The following DOCK6 variants were observed in gnomAD, a reference collection of about 807,000 sequenced individuals.
DOCK6 encodes dedicator of cytokinesis 6, also known as dedicator of cytokinesis protein 6.
Under a neutral mutation model 230.3 loss-of-function variants are expected in DOCK6, and 167 were observed. The ratio of observed to expected loss-of-function variants is 0.73; its 90% CI spans 0.64 to 0.82. DOCK6 has a LOEUF of 0.82. Among genes scored for constraint, DOCK6 ranks in the 40% least tolerant of loss-of-function variants. DOCK6 has a pLI of 0.00. For synonymous variants in DOCK6, 1,148 were observed against 1,185.0 expected, an observed-to-expected ratio of 0.97 and a Z score of 0.64; for missense variants, 2,598 against 2,825.8, an observed-to-expected ratio of 0.92 and a Z score of 1.83.
chr19:11,214,455 G>A (rs1180920750), intron 33 of DOCK6, 46 bp from the exon 34 acceptor site: 10 of 1,613,588 alleles, frequency 6.2e-6, no homozygotes, highest in South Asian at 3.3e-5. Flanking sequence ...GCCTAGGGTG[G>A]TTATGGGGAA....
chr19:11,248,079 A>G lies in DOCK6; in HGVS notation c.793T>C (p.Cys265Arg), dbSNP rs1405107375. The change falls in exon 7 of 48, where the codon TGT (cysteine) becomes CGT (arginine). Residue 265 changes from cysteine to arginine, a missense_variant. By Grantham distance (180) the Cys-to-Arg change is radical (BLOSUM62 -3). Coordinates refer to ENST00000294618, the MANE Select transcript of DOCK6 (RefSeq NM_020812.4). ...CAGTATACTCACTTGAGCGACAGAC[A>G]CTTGACCAAGATCCTTTGTCCAAAG... ...EHFGQRILVKCLSLKFEIEIE... is the reference protein window; with the variant it reads ...EHFGQRILVKRLSLKFEIEIE... 2.5e-6 allele frequency: 4 copies of G among 1,612,262 alleles called. No homozygotes were observed. In the African/African-American group the frequency reaches 4.0e-5, roughly 16 times the overall value.
In DOCK6 at chr19:11,200,743, C is replaced by A. The variant is rs761608003; in HGVS notation, c.5912G>T (p.Arg1971Leu). 6.2e-7 allele frequency: 1 copy of A among 1,613,476 alleles called. No homozygotes were observed. The highest frequency in any genetic ancestry group is 8.5e-7 in the Non-Finnish European group (1 of 1,179,702). Residue 1971 changes from arginine (R) to leucine (L), a missense_variant, in exon 46 of 48, where the codon CGG becomes CTG. Physicochemically the swap from Arg to Leu is moderately radical, Grantham distance 102. Transcript: ENST00000294618. The surrounding 1 kb of genome is among the most constrained non-coding windows in gnomAD (Gnocchi z 4.3). ...CTTGCAGAAGTCCTTGAAGCAGAGCCGCAATTTGTTGTGATGCCGGAAGAG... is the reference window on the plus strand; with the variant it reads ...CTTGCAGAAGTCCTTGAAGCAGAGCAGCAATTTGTTGTGATGCCGGAAGAG... ...PKLFRHHNKL[R>L]LCFKDFCKKC...
intron 9 of DOCK6, among the ~76,000 whole-genome samples, chr19:11,244,890 G>A (rs1171014783): frequency 6.6e-6 from 1 of 152,192 alleles, no homozygotes; most frequent in Admixed American, 6.5e-5. Flanking sequence ...CACTGTGCCT[G>A]GCCTTCCCTA....
At chr19:11,257,038 A>T (rs904746013) in intron 1 of DOCK6, among the ~76,000 whole-genome samples, 4 of 150,024 alleles carry the variant, frequency 2.7e-5, no homozygotes, top group Admixed American at 6.7e-5. Context: ...CCAGGCTGGA[A>T]TGCAGTGGTG....
chr19:11,217,305 AG>A lies in DOCK6; in HGVS notation c.3636del (p.Ser1213LeufsTer11). The A allele has an allele frequency of 1.9e-6, 3 of 1,613,252 alleles. No homozygotes were observed. Among genetic ancestry groups the A allele is most frequent in the African/African-American group, 1.3e-5 (1 of 75,060 alleles). ...CCACCAGCAATGGCCATGGCCACAG[AG>A]GGGTTGATGGTACCCGCAATGTCCC... ...GEGDIAGTINPSVAMAIAGGP... is the reference protein window; with the variant it reads ...GEGDIAGTINXSVAMAIAGGP... On this transcript the variant is annotated frameshift_variant, in exon 29 of 48. Transcript: ENST00000294618. LOFTEE classifies it high-confidence loss of function.
chr19:11,234,791 G>A (rs558979987), intron 21 of DOCK6, among the ~76,000 whole-genome samples: 2 of 152,270 alleles, frequency 1.3e-5, no homozygotes, highest in East Asian at 3.9e-4. Flanking sequence ...TTCCAGCCAA[G>A]CACACAGAAG....
At chr19:11,207,207 T>C (rs1035320560) in intron 39 of DOCK6, among the ~76,000 whole-genome samples, 6 of 152,134 alleles carry the variant, frequency 3.9e-5, no homozygotes, top group African/African-American at 1.2e-4. Flanking sequence ...TTTTATTTAT[T>C]TTTTGAGACA....
intron 39 of DOCK6, among the ~76,000 whole-genome samples, chr19:11,204,890 C>A (rs1268551251): frequency 6.6e-6 from 1 of 152,168 alleles, no homozygotes; most frequent in East Asian, 1.9e-4. Context: ...GTACGATGTA[C>A]ATCTGCACTT....
intron 14 of DOCK6, 149 bp downstream of exon 14, chr19:11,241,896 C>G (rs996951300): frequency 5.7e-5 from 72 of 1,252,764 alleles, no homozygotes; most frequent in Non-Finnish European, 7.9e-5. Context: ...GGACATGTAC[C>G]CTTTCATGCC....
chr19:11,214,733 C>T, intron 32 of DOCK6, 84 bp from the exon 33 acceptor site: 8 of 1,289,734 alleles, frequency 6.2e-6, no homozygotes, highest in Non-Finnish European at 8.8e-6. Context: ...CCTGGCAGCC[C>T]AGGGGGCACT....
At chr19:11,254,720 G>A (rs182479912) in intron 1 of DOCK6, among the ~76,000 whole-genome samples, 35 of 152,138 alleles carry the variant, frequency 2.3e-4, no homozygotes, top group African/African-American at 8.4e-4. Context: ...GGGTAAAGGG[G>A]CAAGACTCGC....
rs928843329 is a variant in DOCK6, at chr19:11,217,473, A to C, written c.3551-82T>G. On this transcript the variant is annotated intron_variant, in intron 28 of 47. Coordinates refer to ENST00000294618, the MANE Select transcript of DOCK6 (RefSeq NM_020812.4). ...TCTCAAATTTCAGAAGTCTTCCCTC[A>C]TGGCCAGGCACAGTGGCTCACGCCT... 3.3e-6 allele frequency: 5 copies of C among 1,526,550 alleles called. No homozygotes were observed. In the South Asian group the frequency reaches 4.8e-5, roughly 15 times the overall value. 94.6% of individuals were successfully genotyped at this position (1,526,550 alleles called of 1,614,324 possible). A position where few individuals can be genotyped will look rare whatever the true frequency, so the allele number is the denominator to read the frequency against.
At chr19:11,253,798 A>G in intron 1 of DOCK6, 72 bp from the exon 2 acceptor site, 3 of 1,084,176 alleles carry the variant, frequency 2.8e-6, no homozygotes, top group Non-Finnish European at 3.9e-6. Flanking sequence ...TCTTTCTATG[A>G]GGAAAATCCA....
rs7249952 is a variant in DOCK6 at position 11,262,403 on chromosome 19, A to G, written c.38T>C (p.Ile13Thr). 254 of 1,280,306 alleles carry G rather than the reference A, an allele frequency of 2.0e-4. 1 individual carries two copies. In the African/African-American group the frequency reaches 3.5e-3, roughly 18 times the overall value. 79.3% of individuals were successfully genotyped at this position (1,280,306 alleles called of 1,614,324 possible). ...GGCCCCGCGGCCACACTACCTGTTG[A>G]TCTTGTGCGCGAAGGCGCGGCGCTC... ...ASERRAFAHK[I>T]NRTVAAEVRK... The change falls in exon 1 of 48, where the codon ATC becomes ACC. Residue 13 changes from isoleucine to threonine, a missense_variant. By Grantham distance (89) the Ile-to-Thr change is moderately conservative (BLOSUM62 -1). Transcript: ENST00000294618.
rs1363676747 is a variant in DOCK6 at position 11,214,487 on chromosome 19, A to G, written c.4203+66T>C. The G allele has an allele frequency of 1.6e-5, 26 of 1,613,258 alleles. No homozygotes were observed. In the Middle Eastern group the frequency reaches 4.9e-4, roughly 31 times the overall value. Reference sequence around the variant, plus strand: ...GGAAAGGGAAGGAGAGGGATTATGGAGTCAGAGACCACAGGGCACTGCAGT... The same window carrying G: ...GGAAAGGGAAGGAGAGGGATTATGGGGTCAGAGACCACAGGGCACTGCAGT... On this transcript the variant is annotated intron_variant, in intron 33 of 47. Transcript: ENST00000294618.
At chr19:11,257,929 C>A (rs2080223532) in intron 1 of DOCK6, among the ~76,000 whole-genome samples, 2 of 152,094 alleles carry the variant, frequency 1.3e-5, no homozygotes, top group South Asian at 4.1e-4. Flanking sequence ...GACCCCATTT[C>A]TAATAAACAC....
At position 11,201,300 on chromosome 19, in the gene DOCK6, G is replaced by A. The variant is rs1162515103; in HGVS notation, c.5689-248C>T. 6.6e-6 allele frequency among the ~76,000 whole-genome samples: 1 copy of A among 152,062 alleles called. No individual in the cohort carries two copies. The highest frequency in any genetic ancestry group is 1.5e-5 in the Non-Finnish European group (1 of 67,990). On this transcript the variant is annotated intron_variant, in intron 44 of 47. Coordinates refer to ENST00000294618, the MANE Select transcript of DOCK6 (RefSeq NM_020812.4). This position sits in a 1 kb window ranked among gnomAD's most constrained non-coding sequence, Gnocchi z 4.3. ...AGACTTCCTTGGGTCTGGAGGTAGA[G>A]ATTTGGACTGGAAGTTGGAGTTTGG... is the stretch of plus-strand genomic sequence containing the variant.
At chr19:11,238,958 A>C (rs2079895710) in intron 14 of DOCK6, 1 of 154,886 alleles carries the variant, frequency 6.5e-6, no homozygotes, top group Non-Finnish European at 1.4e-5. Flanking sequence ...AATCGCGCCT[A>C]CTGTGTGCCA....
intron 24 of DOCK6, among the ~76,000 whole-genome samples, chr19:11,226,621 G>A (rs565261376): frequency 6.6e-6 from 1 of 152,110 alleles, no homozygotes; most frequent in Non-Finnish European, 1.5e-5. Flanking sequence ...TTGCGCCATC[G>A]CACTCCAGCC....
Sources: gnomAD v4.1 joint callset for allele counts (sites outside exome capture counted in the v4.1 genomes callset) on GRCh38, gnomAD v4.1.1 for gene constraint, Gnocchi (gnomAD v3.1) non-coding constraint, MANE v1.5 for transcripts, NCBI Gene and HGNC (gene_info 2026-07-23, HGNC 2026-07-21) for gene names.